Variants in SAMD3 observed in about 807,000 individuals in gnomAD.
The protein encoded by SAMD3 is sterile alpha motif domain-containing protein 3.
Under a neutral mutation model 58.5 loss-of-function variants are expected in SAMD3, and 63 were observed. The ratio of observed to expected loss-of-function variants is 1.08; its 90% confidence interval spans 0.88 to 1.33. The LOEUF (loss-of-function observed/expected upper bound fraction) is 1.33, where lower values mean the gene tolerates loss of function less well. Among genes scored for constraint, SAMD3 ranks in the 40% most tolerant of loss-of-function variants. The pLI, the probability that SAMD3 is intolerant of heterozygous loss-of-function variation, is 0.00. For missense variants in SAMD3, 604 were observed against 608.4 expected (o/e 0.99, Z 0.08); for synonymous variants, 220 against 210.3 (o/e 1.05, Z -0.40).
intron 9 of SAMD3, among the ~76,000 whole-genome samples, chr6:130,154,241 T>C (rs1488630241): frequency 6.6e-6 from 1 of 151,782 alleles, no homozygotes; most frequent in Non-Finnish European, 1.5e-5. Context: ...AATTCTTTTT[T>C]TTTTTTTTTA....
intron 1 of SAMD3, among the ~76,000 whole-genome samples, chr6:130,357,197 T>A (rs1254917209): frequency 1.4e-5 from 2 of 143,918 alleles, no homozygotes; most frequent in African/African-American, 5.2e-5. Flanking sequence ...TGATCTTGGC[T>A]CACTGCAAGC....
At chr6:130,317,993 A>G in intron 1 of SAMD3, among the ~76,000 whole-genome samples, 1 of 152,222 alleles carries the variant, frequency 6.6e-6, no homozygotes. Flanking sequence ...AACTACATAG[A>G]TTGAAAACTA....
At chr6:130,354,201 A>G (rs926291147) in intron 1 of SAMD3, among the ~76,000 whole-genome samples, 1 of 152,176 alleles carries the variant, frequency 6.6e-6, no homozygotes, top group East Asian at 1.9e-4. Context: ...TGTAGAGAAA[A>G]AGGAATGCTC....
chr6:130,238,255 A>G (rs965137259), intron 2 of SAMD3, among the ~76,000 whole-genome samples: 1 of 152,206 alleles, frequency 6.6e-6, no homozygotes, highest in African/African-American at 2.4e-5. Flanking sequence ...TATTTATGTG[A>G]TCAATGTTGG....
At chr6:130,354,058 G>A (rs559475943) in intron 1 of SAMD3, among the ~76,000 whole-genome samples, 2 of 152,164 alleles carry the variant, frequency 1.3e-5, no homozygotes, top group East Asian at 1.9e-4. Context: ...TGCAGCCAAC[G>A]AGCATATGAA....
At chr6:130,255,428 A>T (rs2114915140) in intron 2 of SAMD3, among the ~76,000 whole-genome samples, 1 of 152,288 alleles carries the variant, frequency 6.6e-6, no homozygotes, top group Admixed American at 6.5e-5. Context: ...TATGCAATCT[A>T]TCTCTCTTTT....
At chr6:130,170,676 G>T (rs1356734858) in intron 8 of SAMD3, among the ~76,000 whole-genome samples, 2 of 152,244 alleles carry the variant, frequency 1.3e-5, no homozygotes, top group African/African-American at 2.4e-5. Context: ...CTTGTAGGTT[G>T]TATTCCTAGG....
chr6:130,273,804 C>T lies in SAMD3; in HGVS notation c.-188+39174G>A, dbSNP rs917772667. ...ATCTCTATACTTTTACTCCCCGCTA[C>T]ACAATTTATATTATTGATGTCAAAA... On this transcript the variant is annotated intron_variant, in intron 2 of 13. Coordinates refer to the SAMD3 transcript ENST00000368134. Among the ~76,000 whole-genome samples, 56 of 152,130 alleles carry T rather than the reference C, an allele frequency of 3.7e-4. 1 individual carries two copies. The highest frequency in any genetic ancestry group is 1.3e-3 in the African/African-American group (55 of 41,448).
chr6:130,333,494 T>C (rs1777005970), intron 1 of SAMD3, among the ~76,000 whole-genome samples: 1 of 152,208 alleles, frequency 6.6e-6, no homozygotes, highest in African/African-American at 2.4e-5. Context: ...CTTTTCTGAA[T>C]GATTGCTTCA....
chr6:130,147,292 A>C (rs536941689), intron 9 of SAMD3, among the ~76,000 whole-genome samples: 1 of 152,352 alleles, frequency 6.6e-6, no homozygotes, highest in South Asian at 2.1e-4. Flanking sequence ...CCTAGAGATT[A>C]GGTCTGAAAG....
Position 130,216,156 on chromosome 6 carries a change from A to T in SAMD3, c.-22+415T>A, listed in dbSNP as rs540866964. Among the ~76,000 whole-genome samples, 6 of 152,062 alleles carry T rather than the reference A, an allele frequency of 3.9e-5. No homozygotes were observed. In the East Asian group the frequency reaches 1.2e-3, roughly 29 times the overall value. On this transcript the variant is annotated intron_variant, in intron 2 of 11. Coordinates refer to ENST00000439090, the MANE Select transcript of SAMD3 (RefSeq NM_001017373.4). Reference sequence around the variant, plus strand: ...TATTTTTGTATGCCACTTGTCTGCAACCACTTAGAAAACTTAAAACTATTT... The same window carrying T: ...TATTTTTGTATGCCACTTGTCTGCATCCACTTAGAAAACTTAAAACTATTT...
At position 130,214,007 on chromosome 6, in the gene SAMD3, C is replaced by T. The variant is rs145870012; in HGVS notation, c.269+330G>A. ...GCAATCAAGATGCCTTTCCCAAACCCTGATTTTAAAACCAGAGCTTCAGGA... is the reference window on the plus strand; with the variant it reads ...GCAATCAAGATGCCTTTCCCAAACCTTGATTTTAAAACCAGAGCTTCAGGA... On this transcript the variant is annotated intron_variant, in intron 4 of 11. Transcript: ENST00000439090. 4.6e-5 allele frequency among the ~76,000 whole-genome samples: 7 copies of T among 152,206 alleles called. No homozygotes were observed. In the East Asian group the frequency reaches 1.3e-3, roughly 29 times the overall value.
chr6:130,355,140 C>G (rs1377553019), intron 1 of SAMD3, among the ~76,000 whole-genome samples: 1 of 152,202 alleles, frequency 6.6e-6, no homozygotes, highest in Non-Finnish European at 1.5e-5. Flanking sequence ...AAGGATGCAA[C>G]TGCCCAGGCA....
At chr6:130,304,171 G>T (rs990276427) in intron 2 of SAMD3, among the ~76,000 whole-genome samples, 19 of 152,034 alleles carry the variant, frequency 1.2e-4, no homozygotes, top group Admixed American at 1.2e-3. Flanking sequence ...TGTCAACATT[G>T]TTGAACAGTC....
intron 5 of SAMD3, among the ~76,000 whole-genome samples, chr6:130,194,860 A>T (rs927451808): frequency 3.3e-5 from 5 of 152,096 alleles, no homozygotes; most frequent in Non-Finnish European, 4.4e-5. Context: ...ACCATCACAG[A>T]TGCTCTAGGT....
At chr6:130,265,811 T>A (rs1387365034) in intron 2 of SAMD3, among the ~76,000 whole-genome samples, 3 of 152,188 alleles carry the variant, frequency 2.0e-5, no homozygotes, top group Non-Finnish European at 4.4e-5. Flanking sequence ...TGAAATTTGA[T>A]GCCTGTGCTG....
chr6:130,209,688 C>G, intron 4 of SAMD3, 80 bp from the exon 5 acceptor site: 1 of 826,940 alleles, frequency 1.2e-6, no homozygotes, highest in Non-Finnish European at 2.0e-6. Flanking sequence ...AAGGTAGCAC[C>G]AGCCCAGAGT....
chr6:130,307,859 T>C (rs1404518226), intron 2 of SAMD3, among the ~76,000 whole-genome samples: 3 of 152,214 alleles, frequency 2.0e-5, no homozygotes, highest in Non-Finnish European at 4.4e-5. Context: ...GACAGTTGTT[T>C]TAGAACCAAA....
At position 130,165,916 on chromosome 6, in the gene SAMD3, G is replaced by T. The variant is rs141958220; in HGVS notation, c.822+9925C>A. ...AAGGAAAGGATGAACATCGAGCTAT[G>T]ATGACATGGGGATCCAAGGTCCCGT... On this transcript the variant is annotated intron_variant, in intron 8 of 11. Coordinates refer to ENST00000439090, the MANE Select transcript of SAMD3 (RefSeq NM_001017373.4). Among the ~76,000 whole-genome samples, 211 of 152,258 alleles carry T rather than the reference G, an allele frequency of 1.4e-3. 6 individuals carry two copies. The East Asian group carries it at 0.033, about 24-fold the overall frequency.
Sources: gnomAD v4.1 joint callset for allele counts (sites outside exome capture counted in the v4.1 genomes callset) on GRCh38, gnomAD v4.1.1 for gene constraint, MANE v1.5 for transcripts, NCBI Gene and HGNC (gene_info 2026-07-23, HGNC 2026-07-21) for gene names.